Variants in SH2D4B observed in about 807,000 individuals in gnomAD.
The protein encoded by SH2D4B is SH2 domain-containing protein 4B.
SH2D4B carries 45 observed loss-of-function variants against 61.5 expected under a neutral mutation model. The ratio of observed to expected loss-of-function variants is 0.73; its 90% CI spans 0.58 to 0.94. The LOEUF is 0.94. Ranked by LOEUF, SH2D4B falls within the 40% of genes least tolerant of loss-of-function variation. The probability of loss-of-function intolerance (pLI) is 0.00; values close to 1 mark genes in which losing one functional copy is unlikely to be tolerated. For synonymous variants in SH2D4B, 224 were observed against 220.4 expected, an observed-to-expected ratio of 1.02 and a Z score of -0.14; for missense variants, 572 against 574.2, an observed-to-expected ratio of 1.00 and a Z score of 0.04.
At chr10:80,574,581 G>A (rs1564772382) in intron 3 of SH2D4B, among the ~76,000 whole-genome samples, 2 of 152,212 alleles carry the variant, frequency 1.3e-5, no homozygotes, top group Non-Finnish European at 2.9e-5. Flanking sequence ...CAGTGAACCT[G>A]AGAGTCTGGC....
intron 1 of SH2D4B, among the ~76,000 whole-genome samples, chr10:80,544,526 C>G (rs557467774): frequency 6.6e-6 from 1 of 152,268 alleles, no homozygotes; most frequent in South Asian, 2.1e-4. Flanking sequence ...TTTGGCTTCC[C>G]TGTTTCCTGG....
rs1207434902 is a variant in SH2D4B, at chr10:80,570,063, G to T, written c.185-91G>T. On this transcript the variant is annotated intron_variant, in intron 1 of 7. Transcript: ENST00000646907. ...TGTGGATGACAATGTTCCATAGAGT[G>T]ATGTGATGGTTGTTTACCACTGGGC... The T allele has an allele frequency of 4.8e-6, 7 of 1,451,756 alleles. No individual in the cohort carries two copies. In the East Asian group the frequency reaches 1.4e-4, roughly 28 times the overall value. 89.9% of individuals were successfully genotyped at this position (1,451,756 alleles called of 1,614,324 possible). A position where few individuals can be genotyped will look rare whatever the true frequency, so the allele number is the denominator to read the frequency against.
At chr10:80,604,888 G>C (rs572405928) in intron 5 of SH2D4B, among the ~76,000 whole-genome samples, 1 of 151,944 alleles carries the variant, frequency 6.6e-6, no homozygotes, top group East Asian at 1.9e-4. Context: ...CCGCCTTCCA[G>C]ATTCACTCCA....
chr10:80,564,075 T>A (rs987422590), intron 1 of SH2D4B, among the ~76,000 whole-genome samples: 4 of 152,218 alleles, frequency 2.6e-5, no homozygotes, highest in African/African-American at 9.6e-5. Context: ...TATTTAAATG[T>A]TTTCTCTCAT....
chr10:80,606,613 G>A (rs150605220), intron 5 of SH2D4B, among the ~76,000 whole-genome samples: 3,468 of 152,286 alleles, frequency 0.023, 51 homozygotes, highest in Middle Eastern at 0.065. Context: ...CTCCCAAAGT[G>A]CTGGGATTGC....
chr10:80,634,622 T>C, intron 7 of SH2D4B, 117 bp downstream of exon 7: 1 of 1,425,328 alleles, frequency 7.0e-7, no homozygotes, highest in Non-Finnish European at 9.3e-7. Flanking sequence ...GGCTGGAGGG[T>C]CTCAGAGATG....
chr10:80,541,014 A>G (rs1841571668), intron 1 of SH2D4B: 2 of 1,023,272 alleles, frequency 2.0e-6, no homozygotes, highest in Non-Finnish European at 3.0e-6. Flanking sequence ...GAATGATAGG[A>G]AAGGCAAGAA....
In SH2D4B at chr10:80,568,299, T is replaced by C. The variant is rs115898902; in HGVS notation, c.185-1855T>C. Among the ~76,000 whole-genome samples, 505 of 152,200 alleles carry C rather than the reference T, an allele frequency of 3.3e-3. 2 individuals carry two copies. The highest frequency in any genetic ancestry group is 0.012 in the African/African-American group (489 of 41,516). On this transcript the variant is annotated intron_variant, in intron 1 of 7. Transcript: ENST00000646907. Reference sequence around the variant, plus strand: ...GAGCTGGAGGAGGCTGAGGGAGTCATTGTAAGCTTGACCTTGAGTGAAGGA... The same window carrying C: ...GAGCTGGAGGAGGCTGAGGGAGTCACTGTAAGCTTGACCTTGAGTGAAGGA...
At chr10:80,623,564 G>T (rs1023332441) in intron 6 of SH2D4B, among the ~76,000 whole-genome samples, 1 of 152,172 alleles carries the variant, frequency 6.6e-6, no homozygotes, top group Non-Finnish European at 1.5e-5. Flanking sequence ...GACCTAATTT[G>T]TTATAAACCT....
intron 6 of SH2D4B, among the ~76,000 whole-genome samples, chr10:80,632,747 T>C (rs1842847106): frequency 6.6e-6 from 1 of 152,138 alleles, no homozygotes; most frequent in South Asian, 2.1e-4. Context: ...TCCTCTTTTG[T>C]CTGTCCCTAC....
At chr10:80,588,495 A>C in intron 3 of SH2D4B, 135 bp from the exon 4 acceptor site, 1 of 1,119,632 alleles carries the variant, frequency 8.9e-7, no homozygotes, top group South Asian at 1.6e-5. Context: ...AATTTCATAC[A>C]TGTAGGGACT....
In SH2D4B at chr10:80,609,409, T is replaced by C; in HGVS notation, c.861-15T>C. ...TCCCTGACTCTTCTGCCCTCCCCAC[T>C]TTCTTTCTCTTCAGCAGGACCTGGG... On this transcript the variant is annotated splice_polypyrimidine_tract_variant and intron_variant, in intron 5 of 7. Transcript: ENST00000646907. The C allele has an allele frequency of 6.4e-7, 1 of 1,568,980 alleles. No homozygotes were observed. Among genetic ancestry groups the C allele is most frequent in the Non-Finnish European group, 8.7e-7 (1 of 1,150,106 alleles).
chr10:80,597,240 A>G (rs1226225852), intron 4 of SH2D4B, among the ~76,000 whole-genome samples: 1 of 152,172 alleles, frequency 6.6e-6, no homozygotes, highest in Non-Finnish European at 1.5e-5. Flanking sequence ...TTGTACATCA[A>G]TTGAGCTCCT....
In SH2D4B at chr10:80,609,493, G is replaced by C. The variant is rs779874416; in HGVS notation, c.930G>C (p.Gln310His). The C allele has an allele frequency of 6.2e-7, 1 of 1,614,244 alleles. No individual in the cohort carries two copies. Among genetic ancestry groups the C allele is most frequent in the Admixed American group, 1.7e-5 (1 of 60,034 alleles). ...DVIVRWFKEE[Q>H]LPRRAGFERN... ...TCGTCCGCTGGTTTAAGGAGGAGCAGCTGCCTCGCCGAGCTGGCTTCGAGA... is the reference window on the plus strand; with the variant it reads ...TCGTCCGCTGGTTTAAGGAGGAGCACCTGCCTCGCCGAGCTGGCTTCGAGA... Residue 310 changes from glutamine (Q) to histidine (H), a missense_variant, in exon 6 of 8, where the codon CAG becomes CAC. Gln to His is a conservative substitution (Grantham distance 24). Coordinates refer to ENST00000646907, the MANE Select transcript of SH2D4B (RefSeq NM_001388272.1).
chr10:80,542,915 C>G (rs1049511518), intron 1 of SH2D4B, among the ~76,000 whole-genome samples: 5 of 152,192 alleles, frequency 3.3e-5, no homozygotes, highest in African/African-American at 1.2e-4. Flanking sequence ...TGCTCACTGT[C>G]CTGCCCTCAT....
At chr10:80,606,942 T>G (rs1438959288) in intron 5 of SH2D4B, among the ~76,000 whole-genome samples, 1 of 152,226 alleles carries the variant, frequency 6.6e-6, no homozygotes, top group East Asian at 1.9e-4. Flanking sequence ...TTAAGTCAAT[T>G]CACTGGAATG....
chr10:80,549,235 G>GTGTGTA, intron 1 of SH2D4B, among the ~76,000 whole-genome samples: 1 of 151,816 alleles, frequency 6.6e-6, no homozygotes, highest in Non-Finnish European at 1.5e-5. Context: ...GTGTGTGTGT[G>GTGTGTA]TGTGTGTGTG....
chr10:80,635,135 T>A (rs1028665676), intron 7 of SH2D4B, among the ~76,000 whole-genome samples: 12 of 152,254 alleles, frequency 7.9e-5, no homozygotes, highest in Non-Finnish European at 1.8e-4. Context: ...GCTTTGTGAC[T>A]GTGAAGTGCT....
intron 7 of SH2D4B, 23 bp downstream of exon 7, chr10:80,634,528 T>TG (rs934662390): frequency 2.6e-6 from 4 of 1,544,658 alleles, no homozygotes; most frequent in Non-Finnish European, 3.5e-6. Flanking sequence ...GGGATACTAA[T>TG]GGGGGGGAGG....
Sources: allele counts gnomAD v4.1 joint callset (sites outside exome capture counted in the v4.1 genomes callset), GRCh38; gene constraint gnomAD v4.1.1; transcripts MANE v1.5; gene names NCBI Gene and HGNC (gene_info 2026-07-23, HGNC 2026-07-21).